Variants in RAB11FIP4 observed in about 807,000 individuals in gnomAD.
The protein encoded by RAB11FIP4 is RAB11 family interacting protein 4.
Under a neutral mutation model 74.3 loss-of-function variants are expected in RAB11FIP4, and 23 were observed. That is an observed-to-expected ratio of 0.31 (90% confidence interval 0.22 to 0.44). RAB11FIP4 has a LOEUF of 0.44. Ranked by LOEUF, RAB11FIP4 falls within the 20% of genes least tolerant of loss-of-function variation. The pLI is 1.00. For missense variants in RAB11FIP4, 630 were observed against 863.9 expected (o/e 0.73, Z 3.39); for synonymous variants, 360 against 359.9 (o/e 1.00, Z 0.00).
At chr17:31,506,281 A>T (rs77416463) in intron 3 of RAB11FIP4, among the ~76,000 whole-genome samples, 4,279 of 152,290 alleles carry the variant, frequency 0.028, 184 homozygotes, top group African/African-American at 0.099. Context: ...ATACAATTGT[A>T]CATATTTAGA....
At position 31,505,492 on chromosome 17, in the gene RAB11FIP4, A is replaced by T. The variant is rs1344253295; in HGVS notation, c.337-12159A>T. Among the ~76,000 whole-genome samples the T allele has an allele frequency of 3.1e-5, 2 of 65,548 alleles. 1 individual carries two copies. The highest frequency in any genetic ancestry group is 5.9e-5 in the Non-Finnish European group (2 of 33,674). The allele number at this position is 65,548 out of a possible 152,430, so 43.0% of individuals were successfully genotyped here. ...TAATAATAATTATAATATATAATAT[A>T]TAATTATTATATTATATATAATAAT... On this transcript the variant is annotated intron_variant, in intron 3 of 14. Transcript: ENST00000621161.
At chr17:31,499,601 C>T (rs1358241842) in intron 3 of RAB11FIP4, among the ~76,000 whole-genome samples, 2 of 152,126 alleles carry the variant, frequency 1.3e-5, no homozygotes, top group Non-Finnish European at 2.9e-5. Flanking sequence ...GTGATCCGCC[C>T]GTCTCGGCCT....
In RAB11FIP4 at chr17:31,490,155, T is replaced by G. The variant is rs1034766989; in HGVS notation, c.337-27496T>G. Among the ~76,000 whole-genome samples, 25 of 152,186 alleles carry G rather than the reference T, an allele frequency of 1.6e-4. No individual in the cohort carries two copies. The East Asian group carries it at 4.8e-3, about 29-fold the overall frequency. On this transcript the variant is annotated intron_variant, in intron 3 of 14. Coordinates refer to ENST00000621161, the MANE Select transcript of RAB11FIP4 (RefSeq NM_032932.6). Reference sequence around the variant, plus strand: ...CTTGAGATACTCCACCGGCCCTCACTCTCCCTCCCGACCATCTGTGCCACT... The same window carrying G: ...CTTGAGATACTCCACCGGCCCTCACGCTCCCTCCCGACCATCTGTGCCACT...
At chr17:31,458,138 C>T (rs953694486) in intron 3 of RAB11FIP4, among the ~76,000 whole-genome samples, 1 of 152,222 alleles carries the variant, frequency 6.6e-6, no homozygotes, top group Admixed American at 6.5e-5. Flanking sequence ...GCCTTGGGGC[C>T]ACAGTGTGCA....
intron 3 of RAB11FIP4, among the ~76,000 whole-genome samples, chr17:31,500,868 C>A (rs181026015): frequency 0.024 from 3,696 of 152,086 alleles, 144 homozygotes; most frequent in African/African-American, 0.084. Flanking sequence ...ACTAAAAATA[C>A]AAAAATTAGC....
Position 31,505,328 on chromosome 17 carries a change from G to A in RAB11FIP4, c.337-12323G>A, listed in dbSNP as rs138277211. Among the ~76,000 whole-genome samples, 137 of 142,032 alleles carry A rather than the reference G, an allele frequency of 9.6e-4. 2 individuals are homozygous for A. In the East Asian group the frequency reaches 0.025, roughly 26 times the overall value. 93.2% of individuals were successfully genotyped at this position (142,032 alleles called of 152,430 possible). A position where few individuals can be genotyped will look rare whatever the true frequency, so the allele number is the denominator to read the frequency against. ...GTAGTGTTCTGTATGTATCAGTCTG[G>A]AGTTTGTGTTGTTCTGGTCTTCTGT... is the stretch of plus-strand genomic sequence containing the variant. On this transcript the variant is annotated intron_variant, in intron 3 of 14. Coordinates refer to ENST00000621161, the MANE Select transcript of RAB11FIP4 (RefSeq NM_032932.6).
intron 3 of RAB11FIP4, among the ~76,000 whole-genome samples, chr17:31,509,967 A>T (rs1160564617): frequency 2.0e-5 from 3 of 152,122 alleles, no homozygotes; most frequent in Non-Finnish European, 4.4e-5. Context: ...TCAGCAACTG[A>T]TAAGTACCCA....
At chr17:31,523,481 G>A in intron 7 of RAB11FIP4, 31 bp from the exon 8 acceptor site, 1 of 1,588,758 alleles carries the variant, frequency 6.3e-7, no homozygotes, top group Non-Finnish European at 8.6e-7. Context: ...GAAGGCCCCT[G>A]CAGCCAGACA....
At chr17:31,396,183 CAAAAAA>C (rs55991343) in intron 1 of RAB11FIP4, among the ~76,000 whole-genome samples, 1 of 122,616 alleles carries the variant, frequency 8.2e-6, no homozygotes, top group Non-Finnish European at 1.7e-5. Context: ...GACCCTGCCA[CAAAAAA>C]AAAAAAAAGA....
chr17:31,489,905 C>T (rs1224268923), intron 3 of RAB11FIP4, among the ~76,000 whole-genome samples: 1 of 151,996 alleles, frequency 6.6e-6, no homozygotes, highest in Non-Finnish European at 1.5e-5. Flanking sequence ...AAGACTGGGC[C>T]GGAGGCGAGG....
At chr17:31,458,737 T>C (rs2071605218) in intron 3 of RAB11FIP4, among the ~76,000 whole-genome samples, 1 of 152,232 alleles carries the variant, frequency 6.6e-6, no homozygotes, top group Non-Finnish European at 1.5e-5. Context: ...GAACCCTTCA[T>C]GCACCAGCAT....
At chr17:31,523,441 G>A in intron 7 of RAB11FIP4, 71 bp from the exon 8 acceptor site, 2 of 1,224,604 alleles carry the variant, frequency 1.6e-6, no homozygotes, top group South Asian at 2.4e-5. Context: ...TGCTCGCCTA[G>A]CCAGTAGTGT....
chr17:31,520,085 C>T (rs1209024009), intron 4 of RAB11FIP4, among the ~76,000 whole-genome samples: 1 of 127,310 alleles, frequency 7.9e-6, no homozygotes, highest in Admixed American at 8.6e-5. Flanking sequence ...CAAAGCAAGA[C>T]TCTGTCTCCA....
intron 1 of RAB11FIP4, among the ~76,000 whole-genome samples, chr17:31,406,701 T>C (rs1221506770): frequency 2.6e-5 from 4 of 152,246 alleles, no homozygotes; most frequent in Non-Finnish European, 5.9e-5. Context: ...TCGATCTTTT[T>C]TCAGCATTTA....
rs138129732 is a variant in RAB11FIP4, at chr17:31,461,084, A to G, written c.336+26962A>G. Among the ~76,000 whole-genome samples the G allele has an allele frequency of 3.5e-3, 431 of 122,980 alleles. 5 individuals carry two copies. Among genetic ancestry groups the G allele is most frequent in the African/African-American group, 0.012 (381 of 31,822 alleles). 80.7% of individuals were successfully genotyped at this position (122,980 alleles called of 152,430 possible). The stretch of plus-strand genomic sequence containing the variant: ...CCACCATGATGCCCCCCAAATCCAC[A>G]GACCCCTACTCATAGCCCTTGCTGC... On this transcript the variant is annotated intron_variant, in intron 3 of 14. Transcript: ENST00000621161.
At chr17:31,398,458 C>G (rs1201544398) in intron 1 of RAB11FIP4, among the ~76,000 whole-genome samples, 1 of 152,048 alleles carries the variant, frequency 6.6e-6, no homozygotes, top group African/African-American at 2.4e-5. Flanking sequence ...AGAGACCGTG[C>G]CATGGGGGGT....
intron 3 of RAB11FIP4, among the ~76,000 whole-genome samples, chr17:31,440,790 T>TA (rs1193521773): frequency 2.0e-5 from 3 of 152,018 alleles, no homozygotes; most frequent in Non-Finnish European, 2.9e-5. Context: ...CAAAAACAAA[T>TA]AAAAAAAACT....
rs1691122860 is a variant in RAB11FIP4 at position 31,533,492 on chromosome 17, G to T, written c.*1760G>T. The stretch of plus-strand genomic sequence containing the variant: ...GGCAGTGGAAGAAGGCATGAGGAGA[G>T]GGTCTCTTGAGAATTTGCCAATAGG... On this transcript the variant is annotated 3_prime_UTR_variant, in exon 15 of 15. Transcript: ENST00000621161. 1 of 152,362 alleles carries T rather than the reference G, an allele frequency of 6.6e-6. No individual in the cohort carries two copies. The highest frequency in any genetic ancestry group is 1.5e-5 in the Non-Finnish European group (1 of 68,118). 9.4% of individuals were successfully genotyped at this position (152,362 alleles called of 1,614,324 possible). A position where few individuals can be genotyped will look rare whatever the true frequency, so the allele number is the denominator to read the frequency against.
chr17:31,406,514 T>C (rs922086369), intron 1 of RAB11FIP4, among the ~76,000 whole-genome samples: 3 of 152,272 alleles, frequency 2.0e-5, no homozygotes, highest in African/African-American at 7.2e-5. Context: ...GAGGGTGCTG[T>C]TTCTGCACGA....
Sources: allele counts gnomAD v4.1 joint callset (sites outside exome capture counted in the v4.1 genomes callset), GRCh38; gene constraint gnomAD v4.1.1; transcripts MANE v1.5; gene names NCBI Gene and HGNC (gene_info 2026-07-23, HGNC 2026-07-21).